Variants in NETO1 observed in about 807,000 individuals in gnomAD.
The protein encoded by NETO1 is neuropilin and tolloid-like protein 1.
Under a neutral mutation model 61.3 loss-of-function variants are expected in NETO1, and 26 were observed. The observed-to-expected ratio is 0.42, with a 90% confidence interval of 0.31 to 0.59. The LOEUF (loss-of-function observed/expected upper bound fraction) is 0.59, where lower values mean the gene tolerates loss of function less well. NETO1 is among the 20% of genes least tolerant of loss of function. The pLI is 0.12. For synonymous variants in NETO1, 225 were observed against 225.8 expected (o/e 1.00, Z 0.03); for missense variants, 531 against 662.8 (o/e 0.80, Z 2.18).
chr18:72,785,372 T>C (rs779093207), intron 6 of NETO1, among the ~76,000 whole-genome samples: 2 of 152,206 alleles, frequency 1.3e-5, no homozygotes, highest in Admixed American at 6.5e-5. Flanking sequence ...ACCTTCAAAC[T>C]AGTTGTTTTC....
At chr18:72,775,930 T>C (rs1465657518) in intron 7 of NETO1, among the ~76,000 whole-genome samples, 2 of 152,128 alleles carry the variant, frequency 1.3e-5, no homozygotes, top group Non-Finnish European at 2.9e-5. Flanking sequence ...CCCCTAAAAA[T>C]ATCCTATGGT....
intron 4 of NETO1, among the ~76,000 whole-genome samples, chr18:72,806,560 C>T (rs2072680914): frequency 6.6e-6 from 1 of 152,138 alleles, no homozygotes; most frequent in South Asian, 2.1e-4. Context: ...TTCTCATCAC[C>T]CCTATTCATA....
In NETO1 at chr18:72,745,905, G is replaced by A. The variant is rs2070421325; in HGVS notation, c.*2274C>T. 1 of 152,142 alleles carries A rather than the reference G, an allele frequency of 6.6e-6. No homozygotes were observed. The highest frequency in any genetic ancestry group is 1.5e-5 in the Non-Finnish European group (1 of 68,018). The allele number at this position is 152,142 out of a possible 1,614,324, so 9.4% of individuals were successfully genotyped here. On this transcript the variant is annotated 3_prime_UTR_variant, in exon 11 of 11. Transcript: ENST00000327305. ...GAAATTTTAGAGTTATCACTGAGGA[G>A]GCCTGTTCTTCATTTAAAATACAGT...
chr18:72,758,579 G>A (rs1402880772), intron 7 of NETO1, among the ~76,000 whole-genome samples: 1 of 152,162 alleles, frequency 6.6e-6, no homozygotes, highest in Non-Finnish European at 1.5e-5. Context: ...GCTCACGCCT[G>A]TAATCCCAGC....
At chr18:72,822,535 G>C (rs1326492360) in intron 4 of NETO1, among the ~76,000 whole-genome samples, 5 of 152,200 alleles carry the variant, frequency 3.3e-5, no homozygotes, top group Non-Finnish European at 7.3e-5. Context: ...GCTTAAATCT[G>C]AGTTTGAAAA....
chr18:72,759,620 C>T (rs2070903384), intron 7 of NETO1, among the ~76,000 whole-genome samples: 1 of 152,174 alleles, frequency 6.6e-6, no homozygotes, highest in Admixed American at 6.5e-5. Context: ...AGGCCATGGT[C>T]TTCCAATCAA....
At chr18:72,772,781 A>C (rs1334565966) in intron 7 of NETO1, among the ~76,000 whole-genome samples, 1 of 121,528 alleles carries the variant, frequency 8.2e-6, no homozygotes, top group African/African-American at 2.9e-5. Flanking sequence ...ATATATACAG[A>C]TCTCTATATA....
chr18:72,783,748 C>G lies in NETO1; in HGVS notation c.798G>C (p.Val266=). 1 of 1,614,192 alleles carries G rather than the reference C, an allele frequency of 6.2e-7. No homozygotes were observed. The highest frequency in any genetic ancestry group is 8.5e-7 in the Non-Finnish European group (1 of 1,180,036). The change falls in exon 7 of 11, where the codon GTG becomes GTC. Residue 266 remains valine, a synonymous_variant. Transcript: ENST00000327305. ...TGCCCTCATCTGCCCACATGCGGAT[C>G]ACCCCAAGACCCGTGCGTAGCATGA... ...NDVMLRTGLG[V]IRMWADEGSR...
chr18:72,776,878 G>A (rs2071565532), intron 7 of NETO1, among the ~76,000 whole-genome samples: 2 of 152,074 alleles, frequency 1.3e-5, no homozygotes, highest in Non-Finnish European at 2.9e-5. Context: ...AGCCCTAAAA[G>A]TCTTAACTTG....
chr18:72,793,630 C>T (rs2072211791), intron 6 of NETO1, among the ~76,000 whole-genome samples: 1 of 152,152 alleles, frequency 6.6e-6, no homozygotes, highest in Non-Finnish European at 1.5e-5. Context: ...TGCCTGTCTC[C>T]TTCAAATGGG....
At chr18:72,804,766 T>A (rs943323286) in intron 4 of NETO1, among the ~76,000 whole-genome samples, 5 of 152,130 alleles carry the variant, frequency 3.3e-5, no homozygotes, top group African/African-American at 1.2e-4. Flanking sequence ...AAAATCAGCT[T>A]TAATACTGTG....
intron 7 of NETO1, 88 bp from the exon 8 acceptor site, chr18:72,756,235 G>T (rs2070779138): frequency 9.3e-6 from 6 of 646,118 alleles, no homozygotes; most frequent in Non-Finnish European, 1.6e-5. Context: ...AAAAAAAAAA[G>T]ATTAGAATAA....
intron 7 of NETO1, among the ~76,000 whole-genome samples, chr18:72,778,411 A>T (rs1249607499): frequency 6.6e-6 from 1 of 152,086 alleles, no homozygotes; most frequent in East Asian, 1.9e-4. Flanking sequence ...TTCCATTTTT[A>T]TTAATAATTG....
chr18:72,867,680 G>T lies in NETO1; in HGVS notation c.-389C>A, dbSNP rs1478263825. 4 of 151,210 alleles carry T rather than the reference G, an allele frequency of 2.6e-5. No individual in the cohort carries two copies. Among genetic ancestry groups the T allele is most frequent in the African/African-American group, 9.7e-5 (4 of 41,154 alleles). The allele number at this position is 151,210 out of a possible 1,614,324, so 9.4% of individuals were successfully genotyped here. A position where few individuals can be genotyped will look rare whatever the true frequency, so the allele number is the denominator to read the frequency against. ...ACGCGGCGCGCGGGAGGCGGCGGTC[G>T]CAGGGCGAGCCCCGGGACGCCCCGA... is the stretch of plus-strand genomic sequence containing the variant. On this transcript the variant is annotated 5_prime_UTR_variant, in exon 1 of 11. Coordinates refer to ENST00000327305, the MANE Select transcript of NETO1 (RefSeq NM_138966.5).
rs138293582 is a variant in NETO1, at chr18:72,858,768, C to G, written c.469+58G>C. The stretch of plus-strand genomic sequence containing the variant: ...ATGTTGTCTTACACAAGATTTTGTA[C>G]TATGAAGATAGAAAAATGAGGAAGA... On this transcript the variant is annotated intron_variant, in intron 4 of 10. Coordinates refer to ENST00000327305, the MANE Select transcript of NETO1 (RefSeq NM_138966.5). 2.0e-6 allele frequency: 3 copies of G among 1,476,496 alleles called. No individual in the cohort carries two copies. The African/African-American group carries it at 4.2e-5, about 21-fold the overall frequency. 91.5% of individuals were successfully genotyped at this position (1,476,496 alleles called of 1,614,324 possible). A position where few individuals can be genotyped will look rare whatever the true frequency, so the allele number is the denominator to read the frequency against.
intron 7 of NETO1, among the ~76,000 whole-genome samples, chr18:72,772,749 C>CTATATATATATA (rs1555684116): frequency 3.7e-5 from 1 of 27,140 alleles, no homozygotes; most frequent in Non-Finnish European, 6.3e-5. Flanking sequence ...ACACATCTCT[C>CTATATATATATA]TATATATATC....
At chr18:72,835,039 T>C in intron 4 of NETO1, 1 of 1,025,772 alleles carries the variant, frequency 9.7e-7, no homozygotes, top group Non-Finnish European at 1.2e-6. Flanking sequence ...CATAGGAGAA[T>C]GGTGAGGAAA....
intron 4 of NETO1, among the ~76,000 whole-genome samples, 169 bp from the exon 5 acceptor site, chr18:72,794,573 A>G (rs1409864941): frequency 6.6e-6 from 1 of 152,192 alleles, no homozygotes; most frequent in Non-Finnish European, 1.5e-5. Context: ...GTGCATAATG[A>G]TGTTGGGACT....
In NETO1 at chr18:72,753,406, A is replaced by T. The variant is rs80081393; in HGVS notation, c.982+2628T>A. ...AAAATAAAACCAAACAACAGCAACA[A>T]CAAAACCCCAGCAGATACCTGTCAA... On this transcript the variant is annotated intron_variant, in intron 8 of 10. Transcript: ENST00000327305. Among the ~76,000 whole-genome samples, 1,201 of 152,278 alleles carry T rather than the reference A, an allele frequency of 7.9e-3. 4 individuals carry two copies. The highest frequency in any genetic ancestry group is 0.013 in the Non-Finnish European group (887 of 68,016).
Sources: allele counts gnomAD v4.1 joint callset (sites outside exome capture counted in the v4.1 genomes callset), GRCh38; gene constraint gnomAD v4.1.1; transcripts MANE v1.5; gene names NCBI Gene and HGNC (gene_info 2026-07-23, HGNC 2026-07-21).